SLC48A1: variants seen among roughly 807,000 people sequenced by gnomAD.
SLC48A1 encodes the protein heme transporter HRG1.
A neutral mutation model predicts 14.8 loss-of-function variants in SLC48A1; 6 were observed. The observed-to-expected ratio is 0.41, with a 90% CI of 0.22 to 0.80. SLC48A1 has a LOEUF of 0.80. SLC48A1 is among the 30% of genes least tolerant of loss of function. The pLI is 0.34. For synonymous variants in SLC48A1, 89 were observed against 90.0 expected, an observed-to-expected ratio of 0.99 and a Z score of 0.06; for missense variants, 165 against 204.8, an observed-to-expected ratio of 0.81 and a Z score of 1.19.
At chr12:47,757,312 A>C (rs983057788), upstream of SLC48A1, among the ~76,000 whole-genome samples, 3 of 152,132 alleles carry the variant, frequency 2.0e-5, no homozygotes, top group Non-Finnish European at 2.9e-5. Context: ...TCTCACTAGC[A>C]AAGGGCACTT....
At chr12:47,767,498 A>G (rs1266752642), upstream of SLC48A1, among the ~76,000 whole-genome samples, 2 of 152,180 alleles carry the variant, frequency 1.3e-5, no homozygotes, top group Non-Finnish European at 2.9e-5. Context: ...CCCTATATTG[A>G]GGGGTTTTCT....
chr12:47,764,284 C>T (rs1396585111), intron 2 of SLC48A1, among the ~76,000 whole-genome samples: 2 of 152,172 alleles, frequency 1.3e-5, no homozygotes, highest in Non-Finnish European at 2.9e-5. Context: ...CTTTTCTCCT[C>T]ACCCCTGTAT....
chr12:47,760,208 C>T, intron 1 of SLC48A1: 2 of 985,444 alleles, frequency 2.0e-6, no homozygotes, highest in Non-Finnish European at 1.2e-6. Context: ...TTGGAACAAA[C>T]ACCCCAGGTC....
rs1942867743 is a variant in SLC48A1 at position 47,781,185 on chromosome 12, A to G, written c.*904A>G. On this transcript the variant is annotated 3_prime_UTR_variant, in exon 3 of 3. Transcript: ENST00000442218. Reference sequence around the variant, plus strand: ...ATCTCACTCACACACACAGGCATCCATACACCCCAGAAGACTTCCCAAATG... The same window carrying G: ...ATCTCACTCACACACACAGGCATCCGTACACCCCAGAAGACTTCCCAAATG... 2 of 303,614 alleles carry G rather than the reference A, an allele frequency of 6.6e-6. No homozygotes were observed. The highest frequency in any genetic ancestry group is 2.6e-5 in the South Asian group (1 of 38,090). 18.8% of individuals were successfully genotyped at this position (303,614 alleles called of 1,614,324 possible). A position where few individuals can be genotyped will look rare whatever the true frequency, so the allele number is the denominator to read the frequency against.
At chr12:47,779,846 C>T (rs892387870) in intron 2 of SLC48A1, among the ~76,000 whole-genome samples, 67 of 152,204 alleles carry the variant, frequency 4.4e-4, no homozygotes, top group Admixed American at 3.3e-4. Context: ...GAGGCGCATG[C>T]GAGGGTTGCG....
At chr12:47,758,363 C>T (rs190932059), upstream of SLC48A1, 1,632 of 1,471,546 alleles carry the variant, frequency 1.1e-3, 38 homozygotes, top group Admixed American at 0.038. Flanking sequence ...CTGCAGGGAT[C>T]TCCACTACCT....
chr12:47,771,179 G>T (rs1942623629), upstream of SLC48A1: 1 of 271,332 alleles, frequency 3.7e-6, no homozygotes, highest in African/African-American at 2.2e-5. Context: ...CTAGAGTGAG[G>T]CAAATGTGCT....
upstream of SLC48A1, chr12:47,758,303 G>C (rs1942224728): frequency 1.2e-5 from 17 of 1,432,918 alleles, no homozygotes; most frequent in South Asian, 2.5e-4. Flanking sequence ...AAAAGATCAG[G>C]CCCTTCTTAG....
chr12:47,754,393 C>T (rs977111071), upstream of SLC48A1, among the ~76,000 whole-genome samples: 8 of 152,226 alleles, frequency 5.3e-5, no homozygotes, highest in African/African-American at 1.9e-4. Context: ...TGTTTGTGTG[C>T]CTGCCAACCT....
chr12:47,775,156 C>T (rs1185269998), intron 1 of SLC48A1, among the ~76,000 whole-genome samples: 1 of 152,210 alleles, frequency 6.6e-6, no homozygotes, highest in Non-Finnish European at 1.5e-5. Context: ...CATCTGACTT[C>T]CCTCCAGATC....
At chr12:47,758,950 G>A (rs1445747653) in intron 1 of SLC48A1, 1 of 1,017,364 alleles carries the variant, frequency 9.8e-7, no homozygotes, top group African/African-American at 1.7e-5. Flanking sequence ...CAGGACTGGC[G>A]GAGGGGGCGG....
chr12:47,758,153 G>A (rs1396008204), upstream of SLC48A1: 3 of 1,502,908 alleles, frequency 2.0e-6, no homozygotes, highest in Non-Finnish European at 2.7e-6. Context: ...ACTGCCCCAG[G>A]CAGAACTACT....
In SLC48A1 at chr12:47,779,111, T is replaced by C; in HGVS notation, c.220T>C (p.Phe74Leu). The C allele has an allele frequency of 6.4e-7, 1 of 1,551,796 alleles. No individual in the cohort carries two copies. Among genetic ancestry groups the C allele is most frequent in the Non-Finnish European group, 8.7e-7 (1 of 1,146,982 alleles). The change falls in exon 2 of 3, where the codon TTC (phenylalanine) becomes CTC (leucine). Residue 74 changes from phenylalanine to leucine, a missense_variant. Coordinates refer to ENST00000442218, the MANE Select transcript of SLC48A1 (RefSeq NM_017842.3). ...WRTWLKGLRGFFFVGVLFSAV... is the reference protein window; with the variant it reads ...WRTWLKGLRGLFFVGVLFSAV... ...GACCTGGCTCAAGGGGCTGCGCGGC[T>C]TCTTCTTCGTGGGCGTCCTCTTCTC...
rs747390223 is a variant in SLC48A1 at position 47,780,240 on chromosome 12, C to A, written c.400C>A (p.Arg134=). The A allele has an allele frequency of 6.2e-7, 1 of 1,614,128 alleles. No homozygotes were observed. Among genetic ancestry groups the A allele is most frequent in the African/African-American group, 1.3e-5 (1 of 74,946 alleles). Residue 134 remains arginine, a synonymous_variant, in exon 3 of 3, where the codon CGG becomes AGG. Coordinates refer to ENST00000442218, the MANE Select transcript of SLC48A1 (RefSeq NM_017842.3). ...GCTCAGCCTCTATGCCCACCGCTAC[C>A]GGGCTGACTTTGCTGACATCAGCAT... is the stretch of plus-strand genomic sequence containing the variant. The part of the protein sequence containing the change: ...FLLSLYAHRY[R]ADFADISILS...
At chr12:47,760,474 A>C (rs1471908358) in intron 2 of SLC48A1, 1 of 923,168 alleles carries the variant, frequency 1.1e-6, no homozygotes, top group Non-Finnish European at 1.3e-6. Context: ...CTGGCCTAGA[A>C]GTTCTTGCAG....
chr12:47,780,401 A>T lies in SLC48A1; in HGVS notation c.*120A>T. 1.4e-6 allele frequency: 2 copies of T among 1,472,734 alleles called. No individual in the cohort carries two copies. The highest frequency in any genetic ancestry group is 1.9e-6 in the Non-Finnish European group (2 of 1,051,842). The allele number at this position is 1,472,734 out of a possible 1,614,324, so 91.2% of individuals were successfully genotyped here. A position where few individuals can be genotyped will look rare whatever the true frequency, so the allele number is the denominator to read the frequency against. On this transcript the variant is annotated 3_prime_UTR_variant, in exon 3 of 3. Transcript: ENST00000442218. ...CCCAGAACTGTGGCAGAAAATACAC[A>T]GCAGGACGAGTGTGGTCTCCCAGGA...
intron 1 of SLC48A1, among the ~76,000 whole-genome samples, chr12:47,759,609 C>A (rs1548517): frequency 1 from 152,311 of 152,312 alleles, 76,155 homozygotes; most frequent in Middle Eastern, 1. Context: ...GGAGACCGGG[C>A]ATTCCAGCGC....
upstream of SLC48A1, chr12:47,771,439 C>A: frequency 1.3e-5 from 2 of 156,390 alleles, no homozygotes; most frequent in Non-Finnish European, 2.8e-5. Context: ...ATAATGGCCC[C>A]CAAAGATGTC....
upstream of SLC48A1, among the ~76,000 whole-genome samples, chr12:47,768,058 A>G (rs1280807664): frequency 6.6e-6 from 1 of 151,810 alleles, no homozygotes; most frequent in African/African-American, 2.4e-5. Flanking sequence ...GCTCACTGCA[A>G]CCTCCACCTC....
Sources: gnomAD v4.1 joint callset for allele counts (sites outside exome capture counted in the v4.1 genomes callset) on GRCh38, gnomAD v4.1.1 for gene constraint, MANE v1.5 for transcripts, NCBI Gene and HGNC (gene_info 2026-07-23, HGNC 2026-07-21) for gene names.